The following PCDHA6 variants were observed in gnomAD, a reference collection of about 807,000 sequenced individuals.
The protein encoded by PCDHA6 is protocadherin alpha 6, also known as protocadherin alpha-6.
In PCDHA6, 55 loss-of-function variants were observed where a neutral mutation model predicts 60.3. The observed-to-expected ratio is 0.91, with a 90% CI of 0.73 to 1.14. The LOEUF is 1.14. Ranked by LOEUF, PCDHA6 falls within the 50% of genes most tolerant of loss-of-function variation. The pLI is 0.00. For missense variants in PCDHA6, 1,327 were observed against 1,256.5 expected, an observed-to-expected ratio of 1.06 and a Z score of -0.85; for synonymous variants, 652 against 557.9, an observed-to-expected ratio of 1.17 and a Z score of -2.38.
At chr5:140,882,072 T>C in intron 1 of PCDHA6, 2 of 861,580 alleles carry the variant, frequency 2.3e-6, no homozygotes, top group South Asian at 1.9e-5. Context: ...TTCATGCGCA[T>C]GGTGTCGCTC....
intron 1 of PCDHA6, chr5:140,969,441 G>T (rs1554231808): frequency 1.9e-6 from 3 of 1,543,640 alleles, no homozygotes; most frequent in Non-Finnish European, 2.6e-6. Flanking sequence ...GAGTTATCTG[G>T]TAAACTGAGT....
At chr5:140,838,881 C>T (rs2150293311) in intron 1 of PCDHA6, among the ~76,000 whole-genome samples, 1,566 of 151,954 alleles carry the variant, frequency 0.01, 49 homozygotes, top group African/African-American at 0.036. Flanking sequence ...TGCCACTGAA[C>T]TCCAGCCTAG....
chr5:140,876,473 G>A, intron 1 of PCDHA6: 1 of 1,614,038 alleles, frequency 6.2e-7, no homozygotes, highest in South Asian at 1.1e-5. Context: ...GCAGGTCACA[G>A]CATGGTCCTG....
At chr5:140,914,929 G>A (rs1167844428) in intron 1 of PCDHA6, among the ~76,000 whole-genome samples, 2 of 145,306 alleles carry the variant, frequency 1.4e-5, no homozygotes, top group African/African-American at 5.0e-5. Flanking sequence ...ATTGTACTAT[G>A]TTGTGAAAAG....
At chr5:141,009,374 G>A (rs567366098) in intron 3 of PCDHA6, among the ~76,000 whole-genome samples, 2 of 152,334 alleles carry the variant, frequency 1.3e-5, no homozygotes, top group African/African-American at 2.4e-5. Context: ...TGGGAGGATT[G>A]ATTGAGCACA....
chr5:140,973,411 C>G (rs545745437), intron 1 of PCDHA6, among the ~76,000 whole-genome samples: 2 of 152,326 alleles, frequency 1.3e-5, no homozygotes, highest in East Asian at 3.9e-4. Context: ...TGAGCTTCCA[C>G]TCCAGTTTTT....
intron 1 of PCDHA6, chr5:140,870,600 C>T (rs2052205241): frequency 6.2e-7 from 1 of 1,613,338 alleles, no homozygotes. Context: ...GGCGGTTGGG[C>T]GACCGCGCGC....
At chr5:140,875,997 T>A (rs1441666431) in intron 1 of PCDHA6, 1 of 1,613,924 alleles carries the variant, frequency 6.2e-7, no homozygotes, top group East Asian at 2.2e-5. Flanking sequence ...TAAGTCTAAA[T>A]GAGAATTTTG....
In PCDHA6 at chr5:140,852,074, T is replaced by A. The variant is rs988130151; in HGVS notation, c.2394+21589T>A. On this transcript the variant is annotated intron_variant, in intron 1 of 3. Coordinates refer to ENST00000529310, the MANE Select transcript of PCDHA6 (RefSeq NM_018909.4). The stretch of plus-strand genomic sequence containing the variant: ...TTTATATTTTTCTTTCTCTTTCAGC[T>A]ATTTTATTTAATATTGTGTCAGATA... The A allele has an allele frequency of 1.4e-4, 130 of 903,068 alleles. 3 individuals carry two copies. Among genetic ancestry groups the A allele is most frequent in the Non-Finnish European group, 1.7e-4 (126 of 741,050 alleles). 55.9% of individuals were successfully genotyped at this position (903,068 alleles called of 1,614,324 possible).
intron 1 of PCDHA6, chr5:140,870,319 T>G (rs782623881): frequency 3.7e-6 from 6 of 1,614,162 alleles, no homozygotes; most frequent in Non-Finnish European, 5.1e-6. Flanking sequence ...TTACTACTCG[T>G]TGGTGCTGGA....
intron 1 of PCDHA6, chr5:140,865,257 T>G (rs1250591902): frequency 6.6e-6 from 1 of 152,240 alleles, no homozygotes; most frequent in Non-Finnish European, 1.5e-5. Flanking sequence ...TGTAAGGATG[T>G]GTATCAAATT....
At chr5:140,848,283 C>G in intron 1 of PCDHA6, 1 of 605,274 alleles carries the variant, frequency 1.7e-6, no homozygotes, top group Non-Finnish European at 2.9e-6. Context: ...TATGTACTTA[C>G]ACTTTGGGCC....
intron 1 of PCDHA6, chr5:140,871,107 G>A (rs1554165128): frequency 1.2e-6 from 2 of 1,613,306 alleles, no homozygotes; most frequent in Admixed American, 1.7e-5. Flanking sequence ...TGGTGTCGTT[G>A]GTGGAGAGCG....
At chr5:140,871,400 C>T (rs146613275) in intron 1 of PCDHA6, 4 of 1,614,128 alleles carry the variant, frequency 2.5e-6, no homozygotes, top group Non-Finnish European at 3.4e-6. Flanking sequence ...CCACCTAAGA[C>T]GGACCTCATG....
At chr5:140,968,385 A>G (rs782234319) in intron 1 of PCDHA6, 11 of 1,613,904 alleles carry the variant, frequency 6.8e-6, no homozygotes, top group Non-Finnish European at 9.3e-6. Flanking sequence ...TTTGACTATG[A>G]GAAGTTTCGG....
At chr5:140,882,153 AAT>A in intron 1 of PCDHA6, 1 of 1,505,320 alleles carries the variant, frequency 6.6e-7, no homozygotes, top group South Asian at 1.4e-5. Context: ...CAGAAAGCGG[AAT>A]ACCTCTTGCG....
At position 140,848,861 on chromosome 5, in the gene PCDHA6, G is replaced by A. The variant is rs2150423051; in HGVS notation, c.2394+18376G>A. 3.1e-4 allele frequency: 495 copies of A among 1,590,730 alleles called. 45 individuals carry two copies. The highest frequency in any genetic ancestry group is 4.3e-4 in the Admixed American group (25 of 58,818). Reference sequence around the variant, plus strand: ...TGCAGGTTTTCCATGTGGACGTGGAGGTGAAGGACATTAACGACAACCCTC... The same window carrying A: ...TGCAGGTTTTCCATGTGGACGTGGAAGTGAAGGACATTAACGACAACCCTC... On this transcript the variant is annotated intron_variant, in intron 1 of 3. Coordinates refer to ENST00000529310, the MANE Select transcript of PCDHA6 (RefSeq NM_018909.4).
chr5:140,871,393 C>T (rs782354799), intron 1 of PCDHA6: 1 of 1,614,130 alleles, frequency 6.2e-7, no homozygotes, highest in Non-Finnish European at 8.5e-7. Context: ...GGAGGGCCCA[C>T]CTAAGACGGA....
In PCDHA6 at chr5:140,852,083, T is replaced by C; in HGVS notation, c.2394+21598T>C. 2 of 899,622 alleles carry C rather than the reference T, an allele frequency of 2.2e-6. 1 individual carries two copies. Among genetic ancestry groups the C allele is most frequent in the Non-Finnish European group, 2.7e-6 (2 of 737,816 alleles). The allele number at this position is 899,622 out of a possible 1,614,324, so 55.7% of individuals were successfully genotyped here. A position where few individuals can be genotyped will look rare whatever the true frequency, so the allele number is the denominator to read the frequency against. On this transcript the variant is annotated intron_variant, in intron 1 of 3. Coordinates refer to ENST00000529310, the MANE Select transcript of PCDHA6 (RefSeq NM_018909.4). The stretch of plus-strand genomic sequence containing the variant: ...TTCTTTCTCTTTCAGCTATTTTATT[T>C]AATATTGTGTCAGATATTTTACAAG...
Sources: gnomAD v4.1 joint callset for allele counts (sites outside exome capture counted in the v4.1 genomes callset) on GRCh38, gnomAD v4.1.1 for gene constraint, MANE v1.5 for transcripts, NCBI Gene and HGNC (gene_info 2026-07-23, HGNC 2026-07-21) for gene names.